Variants in ERBB4 observed in about 807,000 individuals in gnomAD.
ERBB4 encodes the protein receptor tyrosine-protein kinase erbB-4.
Under a neutral mutation model 158.0 loss-of-function variants are expected in ERBB4, and 42 were observed. The ratio of observed to expected loss-of-function variants is 0.27; its 90% CI spans 0.21 to 0.34. The LOEUF is 0.34. Among genes scored for constraint, ERBB4 ranks in the 10% least tolerant of loss-of-function variants. The pLI, the probability that ERBB4 is intolerant of heterozygous loss-of-function variation, is 1.00. For synonymous variants in ERBB4, 583 were observed against 558.7 expected, an observed-to-expected ratio of 1.04 and a Z score of -0.61; for missense variants, 1,333 against 1,624.1, an observed-to-expected ratio of 0.82 and a Z score of 3.08.
chr2:211,912,626 A>T (rs1028769664), intron 3 of ERBB4, among the ~76,000 whole-genome samples: 1 of 152,204 alleles, frequency 6.6e-6, no homozygotes, highest in African/African-American at 2.4e-5. Context: ...ACTAATGAAG[A>T]TAATCAAAAT....
At chr2:212,030,802 A>G (rs545185996) in intron 2 of ERBB4, among the ~76,000 whole-genome samples, 15 of 152,208 alleles carry the variant, frequency 9.9e-5, no homozygotes, top group Admixed American at 2.6e-4. Context: ...GGCTGCCCCA[A>G]TTGTAAGCAG....
chr2:212,014,988 C>G (rs79540046), intron 2 of ERBB4, among the ~76,000 whole-genome samples: 9,805 of 131,436 alleles, frequency 0.075, 602 homozygotes, highest in African/African-American at 0.2. Context: ...GTAAGGAGAA[C>G]AAGACCATCC....
At chr2:211,686,028 A>G (rs532073477) in intron 12 of ERBB4, among the ~76,000 whole-genome samples, 4 of 152,006 alleles carry the variant, frequency 2.6e-5, no homozygotes, top group Non-Finnish European at 2.9e-5. Context: ...GATTTTTTGA[A>G]ATTTTTTATG....
intron 4 of ERBB4, among the ~76,000 whole-genome samples, chr2:211,767,144 A>T (rs1415434784): frequency 2.0e-5 from 3 of 152,218 alleles, no homozygotes; most frequent in African/African-American, 7.2e-5. Context: ...TTGTTTTAAT[A>T]AATCTGTGCT....
intron 3 of ERBB4, among the ~76,000 whole-genome samples, chr2:211,894,520 C>T (rs1051599933): frequency 2.2e-4 from 33 of 151,222 alleles, no homozygotes; most frequent in South Asian, 4.2e-4. Context: ...ATGTAACTAA[C>T]CTGCACAATG....
intron 1 of ERBB4, among the ~76,000 whole-genome samples, chr2:212,353,324 T>C (rs139205838): frequency 6.6e-6 from 1 of 151,010 alleles, no homozygotes; most frequent in Non-Finnish European, 1.5e-5. Context: ...TACAAATGTA[T>C]ATAATATATG....
chr2:211,554,287 T>A (rs1359794504), intron 20 of ERBB4, among the ~76,000 whole-genome samples: 1 of 152,224 alleles, frequency 6.6e-6, no homozygotes, highest in Non-Finnish European at 1.5e-5. Context: ...ATTTTCCTCA[T>A]CTATAAACTG....
At chr2:211,409,745 T>C (rs916857424) in intron 25 of ERBB4, among the ~76,000 whole-genome samples, 3 of 151,994 alleles carry the variant, frequency 2.0e-5, no homozygotes, top group Admixed American at 6.6e-5. Context: ...AATAGAGCAA[T>C]AGAGGTCTGA....
At chr2:211,733,639 C>CATCT (rs2074503618) in intron 5 of ERBB4, among the ~76,000 whole-genome samples, 2 of 150,194 alleles carry the variant, frequency 1.3e-5, no homozygotes, top group South Asian at 4.2e-4. Flanking sequence ...TTATAACAGA[C>CATCT]ATCTCCACAT....
chr2:211,908,121 A>G (rs1479817616), intron 3 of ERBB4, among the ~76,000 whole-genome samples: 1 of 151,786 alleles, frequency 6.6e-6, no homozygotes, highest in Non-Finnish European at 1.5e-5. Context: ...GAGGGGAGGC[A>G]TTAGAGTTCA....
chr2:212,250,766 A>AAAAT (rs1343128776), intron 1 of ERBB4, among the ~76,000 whole-genome samples: 3 of 151,654 alleles, frequency 2.0e-5, no homozygotes, highest in East Asian at 3.8e-4. Flanking sequence ...TTTTTAGTCA[A>AAAAT]AAATAAATAA....
chr2:211,791,341 C>G (rs139821067), intron 3 of ERBB4, among the ~76,000 whole-genome samples: 1 of 151,834 alleles, frequency 6.6e-6, no homozygotes, highest in African/African-American at 2.4e-5. Context: ...AAGTTTTCCA[C>G]AAGTTTTATC....
chr2:211,910,292 A>G (rs1377991137), intron 3 of ERBB4, among the ~76,000 whole-genome samples: 3 of 151,334 alleles, frequency 2.0e-5, no homozygotes, highest in Non-Finnish European at 2.9e-5. Context: ...CATTAAGTTA[A>G]AATAGTTTTA....
Position 211,822,910 on chromosome 2 carries a change from T to A in ERBB4, c.422-34751A>T, listed in dbSNP as rs536744035. On this transcript the variant is annotated intron_variant, in intron 3 of 27. Transcript: ENST00000342788. Reference sequence around the variant, plus strand: ...GCCAGGGGAGTGGCAGAAATGAGAATGTGCCATTTCTATATCTAGAGCTTA... The same window carrying A: ...GCCAGGGGAGTGGCAGAAATGAGAAAGTGCCATTTCTATATCTAGAGCTTA... 2.6e-4 allele frequency among the ~76,000 whole-genome samples: 40 copies of A among 152,088 alleles called. 1 individual carries two copies. Among genetic ancestry groups the A allele is most frequent in the Non-Finnish European group, 3.8e-4 (26 of 67,928 alleles).
At chr2:211,990,491 C>T (rs888778061) in intron 2 of ERBB4, among the ~76,000 whole-genome samples, 1 of 150,776 alleles carries the variant, frequency 6.6e-6, no homozygotes, top group African/African-American at 2.4e-5. Flanking sequence ...ATCATTGCAC[C>T]ACATTTGAAG....
intron 19 of ERBB4, among the ~76,000 whole-genome samples, chr2:211,591,290 A>G (rs921218971): frequency 2.6e-5 from 4 of 152,150 alleles, no homozygotes; most frequent in Non-Finnish European, 5.9e-5. Context: ...ACGAAGGGGG[A>G]TAGATTAGGG....
intron 20 of ERBB4, among the ~76,000 whole-genome samples, chr2:211,486,589 T>C (rs538486215): frequency 6.6e-6 from 1 of 152,232 alleles, no homozygotes; most frequent in African/African-American, 2.4e-5. Flanking sequence ...TAACAGGTGA[T>C]GGGTGTAGGT....
chr2:211,747,734 A>G (rs1208220400), intron 5 of ERBB4, among the ~76,000 whole-genome samples: 1 of 151,556 alleles, frequency 6.6e-6, no homozygotes, highest in Non-Finnish European at 1.5e-5. Flanking sequence ...TTTTTTTTGC[A>G]TTCTACCCTA....
chr2:212,288,761 C>A (rs1375559242), intron 1 of ERBB4, among the ~76,000 whole-genome samples: 1 of 151,984 alleles, frequency 6.6e-6, no homozygotes, highest in Non-Finnish European at 1.5e-5. Context: ...CACTATAACC[C>A]TTTATAGCTT....
Sources: allele counts gnomAD v4.1 joint callset (sites outside exome capture counted in the v4.1 genomes callset), GRCh38; gene constraint gnomAD v4.1.1; transcripts MANE v1.5; gene names NCBI Gene and HGNC (gene_info 2026-07-23, HGNC 2026-07-21).